Variants in ITGA8 observed in about 807,000 individuals in gnomAD.
ITGA8 encodes integrin alpha-8.
A neutral mutation model predicts 142.3 loss-of-function variants in ITGA8; 91 were observed. The ratio of observed to expected loss-of-function variants is 0.64; its 90% CI spans 0.54 to 0.76. ITGA8 has a LOEUF of 0.76. Ranked by LOEUF, ITGA8 falls within the 30% of genes least tolerant of loss-of-function variation. The pLI is 0.00. For missense variants in ITGA8, 1,406 were observed against 1,327.7 expected (o/e 1.06, Z -0.92); for synonymous variants, 505 against 485.2 (o/e 1.04, Z -0.54).
rs569352778 is a variant in ITGA8, at chr10:15,650,882, A to G, written c.1002-3831T>C. On this transcript the variant is annotated intron_variant, in intron 11 of 29. Transcript: ENST00000378076. Reference sequence around the variant, plus strand: ...ACATCACTTCAATTACATTACAGAAATTAATCTACAACCTCTTTATGGTTT... The same window carrying G: ...ACATCACTTCAATTACATTACAGAAGTTAATCTACAACCTCTTTATGGTTT... Among the ~76,000 whole-genome samples, 7 of 152,202 alleles carry G rather than the reference A, an allele frequency of 4.6e-5. No homozygotes were observed. In the South Asian group the frequency reaches 1.4e-3, roughly 32 times the overall value.
intron 20 of ITGA8, among the ~76,000 whole-genome samples, chr10:15,602,686 T>C (rs1833124969): frequency 6.6e-6 from 1 of 151,716 alleles, no homozygotes; most frequent in African/African-American, 2.4e-5. Flanking sequence ...TGTAGTGAGC[T>C]ATGATCACGC....
At chr10:15,635,221 G>T (rs533515446) in intron 13 of ITGA8, among the ~76,000 whole-genome samples, 4 of 151,766 alleles carry the variant, frequency 2.6e-5, no homozygotes, top group African/African-American at 9.7e-5. Flanking sequence ...TGGCCAGGAT[G>T]GTCTTGATCT....
In ITGA8 at chr10:15,688,002, G is replaced by T; in HGVS notation, c.380C>A (p.Pro127His). ...RKIRVNGTKE[P>H]IEFKSNQWFG... is the part of the protein sequence containing the mutation. ...CCACTGATTGGATTTGAACTCGATA[G>T]GTTCTTTGGTTCCATTAACTCTGAT... Residue 127 changes from proline (P) to histidine (H), a missense_variant, in exon 3 of 30, where the codon CCT (proline) becomes CAT (histidine). Coordinates refer to ENST00000378076, the MANE Select transcript of ITGA8 (RefSeq NM_003638.3). 7 of 1,613,218 alleles carry T rather than the reference G, an allele frequency of 4.3e-6. No homozygotes were observed. Among genetic ancestry groups the T allele is most frequent in the Non-Finnish European group, 5.9e-6 (7 of 1,179,242 alleles).
At chr10:15,566,183 A>G (rs1008160453) in intron 25 of ITGA8, among the ~76,000 whole-genome samples, 2 of 151,958 alleles carry the variant, frequency 1.3e-5, no homozygotes, top group African/African-American at 2.4e-5. Flanking sequence ...TGTTTGTACT[A>G]TCTGGTTGTA....
At chr10:15,627,404 C>T (rs533955932) in intron 13 of ITGA8, among the ~76,000 whole-genome samples, 5 of 152,250 alleles carry the variant, frequency 3.3e-5, no homozygotes, top group East Asian at 1.9e-4. Flanking sequence ...CTGGTTGGAC[C>T]GCCAGCTTTC....
At chr10:15,542,020 A>G (rs1833578544) in intron 27 of ITGA8, among the ~76,000 whole-genome samples, 1 of 152,136 alleles carries the variant, frequency 6.6e-6, no homozygotes, top group African/African-American at 2.4e-5. Context: ...CAAACCTGTA[A>G]CATCACACTT....
intron 6 of ITGA8, among the ~76,000 whole-genome samples, chr10:15,673,250 A>C (rs1834563564): frequency 6.6e-6 from 1 of 152,014 alleles, no homozygotes; most frequent in Non-Finnish European, 1.5e-5. Flanking sequence ...CGCCTGGCTA[A>C]TTTTTTGTGT....
At chr10:15,608,713 G>T (rs1008394132) in intron 15 of ITGA8, among the ~76,000 whole-genome samples, 1 of 152,178 alleles carries the variant, frequency 6.6e-6, no homozygotes, top group African/African-American at 2.4e-5. Flanking sequence ...GAAATTCAGT[G>T]TAGTCGGGGC....
In ITGA8 at chr10:15,658,828, A is replaced by G. The variant is rs7097720; in HGVS notation, c.948+171T>C. ...CACCTCACTGCTGCCTGAGAGCTGG[A>G]TGGGATCTGTCTGTCTGATGCATGA... On this transcript the variant is annotated intron_variant, in intron 10 of 29. Transcript: ENST00000378076. Among the ~76,000 whole-genome samples, 141,611 of 152,254 alleles carry G rather than the reference A, an allele frequency of 0.93. 66,557 individuals are homozygous for G. The highest frequency in any genetic ancestry group is 1 in the Non-Finnish European group (67,833 of 68,044).
intron 13 of ITGA8, among the ~76,000 whole-genome samples, chr10:15,643,711 T>C (rs1833911391): frequency 6.6e-6 from 1 of 152,254 alleles, no homozygotes; most frequent in South Asian, 2.1e-4. Flanking sequence ...AAGCTGTCTA[T>C]GTCAGTGCAA....
In ITGA8 at chr10:15,519,352, T is replaced by C. The variant is rs1564333192; in HGVS notation, c.3043A>G (p.Ile1015Val). The C allele has an allele frequency of 6.2e-7, 1 of 1,613,562 alleles. No individual in the cohort carries two copies. Residue 1015 changes from isoleucine (I) to valine (V), a missense_variant, in exon 29 of 30, where the codon ATA (isoleucine) becomes GTA (valine). Physicochemically the swap from Ile to Val is conservative, Grantham distance 29. Coordinates refer to ENST00000378076, the MANE Select transcript of ITGA8 (RefSeq NM_003638.3). Reference sequence around the variant, plus strand: ...AATCCAAGAAGTATTGCTAGTATTATTACCCATAATGGGATTGAGAAGGAA... The same window carrying C: ...AATCCAAGAAGTATTGCTAGTATTACTACCCATAATGGGATTGAGAAGGAA... ...NVSFSIPLWVIILAILLGLLV... is the reference protein window; with the variant it reads ...NVSFSIPLWVVILAILLGLLV...
chr10:15,629,408 T>C (rs1833644673), intron 13 of ITGA8, among the ~76,000 whole-genome samples: 1 of 151,998 alleles, frequency 6.6e-6, no homozygotes, highest in African/African-American at 2.4e-5. Flanking sequence ...TTCATCTATG[T>C]CACCCCCTCT....
intron 10 of ITGA8, among the ~76,000 whole-genome samples, chr10:15,657,163 G>C (rs11253594): frequency 0.098 from 14,967 of 152,194 alleles, 937 homozygotes; most frequent in East Asian, 0.29. Flanking sequence ...ACAGAACTAG[G>C]TGGTATTGAG....
chr10:15,610,783 A>G (rs1316156736), intron 15 of ITGA8, among the ~76,000 whole-genome samples: 1 of 152,238 alleles, frequency 6.6e-6, no homozygotes, highest in Non-Finnish European at 1.5e-5. Flanking sequence ...TATTTCAGTG[A>G]TAGCAAATAG....
chr10:15,668,617 A>G (rs1186608281), intron 8 of ITGA8, among the ~76,000 whole-genome samples: 4 of 152,028 alleles, frequency 2.6e-5, no homozygotes, highest in African/African-American at 7.2e-5. Context: ...CCTAGCCTGG[A>G]TGGTCTTTAC....
intron 4 of ITGA8, 78 bp from the exon 5 acceptor site, chr10:15,678,861 T>C (rs1286987244): frequency 1.3e-5 from 11 of 853,348 alleles, no homozygotes; most frequent in Admixed American, 2.3e-5. Context: ...CAGGATATTA[T>C]GTTATTTTCT....
At chr10:15,603,624 A>G (rs1451260785) in intron 20 of ITGA8, among the ~76,000 whole-genome samples, 1 of 152,244 alleles carries the variant, frequency 6.6e-6, no homozygotes, top group Admixed American at 6.5e-5. Context: ...GGAAGACTAT[A>G]AATAGCATTG....
chr10:15,676,290 C>T (rs749841817), intron 6 of ITGA8, among the ~76,000 whole-genome samples: 6 of 152,182 alleles, frequency 3.9e-5, no homozygotes, highest in Non-Finnish European at 8.8e-5. Context: ...CTGGCCTATG[C>T]AGCACCTTAG....
At chr10:15,646,806 G>A (rs1363590161) in intron 12 of ITGA8, 40 bp downstream of exon 12, 6 of 1,493,908 alleles carry the variant, frequency 4.0e-6, no homozygotes, top group Non-Finnish European at 4.7e-6. Flanking sequence ...ATGCAGTGGT[G>A]ACGACACATA....
Sources: gnomAD v4.1 joint callset for allele counts (sites outside exome capture counted in the v4.1 genomes callset) on GRCh38, gnomAD v4.1.1 for gene constraint, MANE v1.5 for transcripts, NCBI Gene and HGNC (gene_info 2026-07-23, HGNC 2026-07-21) for gene names.